FAM110B: variants seen among roughly 807,000 people sequenced by gnomAD.
The protein encoded by FAM110B is family with sequence similarity 110 member B.
Under a neutral mutation model 20.4 loss-of-function variants are expected in FAM110B, and 6 were observed. The ratio of observed to expected loss-of-function variants is 0.29; its 90% confidence interval spans 0.16 to 0.58. The LOEUF (loss-of-function observed/expected upper bound fraction) is 0.58, where lower values mean the gene tolerates loss of function less well. Among genes scored for constraint, FAM110B ranks in the 20% least tolerant of loss-of-function variants. The pLI is 0.90. For missense variants in FAM110B, 434 were observed against 498.2 expected, an observed-to-expected ratio of 0.87 and a Z score of 1.23; for synonymous variants, 226 against 214.1, an observed-to-expected ratio of 1.06 and a Z score of -0.49.
intron 1 of FAM110B, among the ~76,000 whole-genome samples, chr8:58,008,278 G>A (rs548002950): frequency 3.3e-5 from 5 of 151,810 alleles, no homozygotes; most frequent in East Asian, 1.9e-4. Flanking sequence ...GATTACAGGC[G>A]CCTCCCACCA....
At chr8:58,138,950 T>C (rs534646459) in intron 3 of FAM110B, among the ~76,000 whole-genome samples, 20 of 152,318 alleles carry the variant, frequency 1.3e-4, no homozygotes, top group African/African-American at 4.8e-4. Context: ...CAACATTTGC[T>C]TCCCATCCTC....
At chr8:58,073,591 T>G (rs747441486) in intron 2 of FAM110B, among the ~76,000 whole-genome samples, 5 of 152,236 alleles carry the variant, frequency 3.3e-5, no homozygotes, top group Non-Finnish European at 7.3e-5. Context: ...CATATGGGAA[T>G]TGAAGTTTTC....
At chr8:58,059,956 A>G (rs1174844599) in intron 2 of FAM110B, among the ~76,000 whole-genome samples, 2 of 152,142 alleles carry the variant, frequency 1.3e-5, no homozygotes, top group East Asian at 3.9e-4. Context: ...TTTTTAATAT[A>G]TATCCAATTC....
intron 3 of FAM110B, among the ~76,000 whole-genome samples, chr8:58,125,747 C>T (rs977304441): frequency 2.0e-5 from 3 of 151,940 alleles, no homozygotes; most frequent in African/African-American, 7.3e-5. Context: ...TAATTTTAAC[C>T]TCTTGTTATT....
At chr8:58,145,681 CCTTT>C (rs1803845635) in intron 3 of FAM110B, among the ~76,000 whole-genome samples, 2 of 152,382 alleles carry the variant, frequency 1.3e-5, no homozygotes, top group South Asian at 2.1e-4. Context: ...AAACCTCAGC[CCTTT>C]CTTTCTTCCC....
At chr8:58,056,388 C>G (rs913052790) in intron 2 of FAM110B, among the ~76,000 whole-genome samples, 1 of 152,114 alleles carries the variant, frequency 6.6e-6, no homozygotes, top group Non-Finnish European at 1.5e-5. Flanking sequence ...ATTTCAATTT[C>G]TTCAGGTTGT....
chr8:58,010,716 A>G (rs538434633), intron 1 of FAM110B, among the ~76,000 whole-genome samples: 12 of 152,300 alleles, frequency 7.9e-5, no homozygotes, highest in African/African-American at 2.6e-4. Flanking sequence ...GGCTAGGAAT[A>G]TCACTCCCAG....
chr8:58,012,765 T>C (rs899833204), intron 1 of FAM110B, among the ~76,000 whole-genome samples: 5 of 152,180 alleles, frequency 3.3e-5, no homozygotes, highest in African/African-American at 1.2e-4. Context: ...TGGTCACACT[T>C]TAGTAACAGG....
intron 3 of FAM110B, among the ~76,000 whole-genome samples, chr8:58,115,450 G>C (rs1585899191): frequency 6.6e-6 from 1 of 152,092 alleles, no homozygotes; most frequent in South Asian, 2.1e-4. Flanking sequence ...CTGGAGTACA[G>C]TGGCACAATC....
At chr8:58,145,179 T>C (rs908044982) in intron 3 of FAM110B, among the ~76,000 whole-genome samples, 2 of 152,186 alleles carry the variant, frequency 1.3e-5, no homozygotes, top group Non-Finnish European at 2.9e-5. Flanking sequence ...TTTGGAAGTA[T>C]TTCTATGGAT....
At chr8:58,145,730 C>G (rs1803847306) in intron 3 of FAM110B, among the ~76,000 whole-genome samples, 177 bp from the exon 4 acceptor site, 3 of 152,206 alleles carry the variant, frequency 2.0e-5, no homozygotes, top group African/African-American at 7.2e-5. Context: ...TCGGCGCAGG[C>G]GGGGGCGCAA....
intron 3 of FAM110B, among the ~76,000 whole-genome samples, chr8:58,086,026 C>G (rs1194584534): frequency 1.3e-5 from 2 of 152,208 alleles, no homozygotes; most frequent in South Asian, 2.1e-4. Flanking sequence ...AACTCAATAC[C>G]TGATACCTGG....
intron 3 of FAM110B, among the ~76,000 whole-genome samples, chr8:58,124,502 T>C (rs749274536): frequency 2.0e-5 from 3 of 152,222 alleles, no homozygotes; most frequent in Non-Finnish European, 4.4e-5. Context: ...AGCTTTTCAT[T>C]ATCCTTGTTT....
chr8:58,144,089 C>T (rs555212380), intron 3 of FAM110B, among the ~76,000 whole-genome samples: 10 of 152,278 alleles, frequency 6.6e-5, no homozygotes, highest in African/African-American at 2.2e-4. Context: ...ACTTTGTCTC[C>T]CACTGCCCAC....
At chr8:58,038,350 C>T (rs1194612949) in intron 2 of FAM110B, among the ~76,000 whole-genome samples, 1 of 152,122 alleles carries the variant, frequency 6.6e-6, no homozygotes, top group Non-Finnish European at 1.5e-5. Context: ...AGAGATGTTG[C>T]ATATTTAATT....
intron 1 of FAM110B, among the ~76,000 whole-genome samples, chr8:57,995,104 G>T (rs1804154994): frequency 6.6e-6 from 1 of 152,140 alleles, no homozygotes; most frequent in East Asian, 1.9e-4. Flanking sequence ...CCCGGGCTCG[G>T]CTAGGAGGCT....
chr8:58,039,268 G>C (rs1442366475), intron 2 of FAM110B, among the ~76,000 whole-genome samples: 2 of 152,168 alleles, frequency 1.3e-5, no homozygotes, highest in East Asian at 1.9e-4. Context: ...AGCTCTCTTA[G>C]ATCAGCCTTA....
intron 3 of FAM110B, among the ~76,000 whole-genome samples, chr8:58,117,870 T>G (rs1807255452): frequency 6.6e-6 from 1 of 152,174 alleles, no homozygotes; most frequent in Non-Finnish European, 1.5e-5. Flanking sequence ...CTTAATAGAG[T>G]GGAGACTTAG....
chr8:58,078,637 G>A (rs1280123546), intron 3 of FAM110B, among the ~76,000 whole-genome samples: 6 of 138,386 alleles, frequency 4.3e-5, no homozygotes, highest in Admixed American at 7.9e-5. Context: ...TGCAAGCTCC[G>A]CCTTCCAGGT....
Sources: gnomAD v4.1 joint callset for allele counts (sites outside exome capture counted in the v4.1 genomes callset) on GRCh38, gnomAD v4.1.1 for gene constraint, MANE v1.5 for transcripts, NCBI Gene and HGNC (gene_info 2026-07-23, HGNC 2026-07-21) for gene names.